The following LNX1 variants were observed in gnomAD, a reference collection of about 807,000 sequenced individuals.
LNX1 encodes the protein E3 ubiquitin-protein ligase LNX.
Under a neutral mutation model 68.4 loss-of-function variants are expected in LNX1, and 54 were observed. The observed-to-expected ratio is 0.79, with a 90% confidence interval of 0.63 to 0.99. The LOEUF (loss-of-function observed/expected upper bound fraction) is 0.99, where lower values mean the gene tolerates loss of function less well. LNX1 is among the 50% of genes least tolerant of loss of function. LNX1 has a pLI of 0.00. For missense variants in LNX1, 906 were observed against 926.4 expected (o/e 0.98, Z 0.29); for synonymous variants, 336 against 350.0 (o/e 0.96, Z 0.45).
At chr4:53,620,201 C>T (rs1733816445), upstream of LNX1, among the ~76,000 whole-genome samples, 1 of 152,146 alleles carries the variant, frequency 6.6e-6, no homozygotes, top group African/African-American at 2.4e-5. Context: ...ATCTATCTAC[C>T]TATCTATCTA....
chr4:53,553,197 A>T (rs1729637397), intron 2 of LNX1, among the ~76,000 whole-genome samples: 1 of 152,132 alleles, frequency 6.6e-6, no homozygotes, highest in South Asian at 2.1e-4. Flanking sequence ...CTGAGTGGGG[A>T]CACAGAGAGG....
intron 2 of LNX1, among the ~76,000 whole-genome samples, chr4:53,613,904 A>C (rs1470161387): frequency 6.6e-6 from 1 of 152,152 alleles, no homozygotes; most frequent in African/African-American, 2.4e-5. Flanking sequence ...ACAATGGTTG[A>C]ACTAATTTAC....
intron 2 of LNX1, among the ~76,000 whole-genome samples, chr4:53,553,880 C>A (rs974171441): frequency 7.9e-5 from 12 of 152,206 alleles, no homozygotes; most frequent in Non-Finnish European, 1.6e-4. Flanking sequence ...GGTATAAACA[C>A]ACCTGATAGC....
At chr4:53,624,958 A>T (rs1273769305) in intron 1 of LNX1, among the ~76,000 whole-genome samples, 1 of 152,236 alleles carries the variant, frequency 6.6e-6, no homozygotes, top group Non-Finnish European at 1.5e-5. Context: ...AATGCTCAAC[A>T]TTGCAACAAT....
At position 53,462,906 on chromosome 4, in the gene LNX1, T is replaced by G. The variant is rs181589555; in HGVS notation, c.1893-1313A>C. Among the ~76,000 whole-genome samples the G allele has an allele frequency of 4.5e-3, 690 of 152,278 alleles. 2 individuals are homozygous for G. The highest frequency in any genetic ancestry group is 7.3e-3 in the Non-Finnish European group (497 of 67,976). ...TCTTTGGGAGCTGTGGTGTGTCACA[T>G]AACACACTTTACATAACGGTTCACT... On this transcript the variant is annotated intron_variant, in intron 9 of 10. Transcript: ENST00000263925.
intron 1 of LNX1, among the ~76,000 whole-genome samples, chr4:53,643,592 G>C (rs6818959): frequency 0.43 from 64,962 of 151,954 alleles, 14,715 homozygotes; most frequent in East Asian, 0.58. Flanking sequence ...AAAATTCAGG[G>C]GACTGAAGAA....
At chr4:53,507,570 C>G (rs1253052655) in intron 3 of LNX1, 101 bp from the exon 4 acceptor site, 1 of 1,304,040 alleles carries the variant, frequency 7.7e-7, no homozygotes, top group Non-Finnish European at 1.1e-6. Flanking sequence ...TTAACAGTGA[C>G]TACCTCTGGG....
At chr4:53,501,777 C>T (rs894957453) in intron 4 of LNX1, 6 of 152,190 alleles carry the variant, frequency 3.9e-5, no homozygotes, top group Non-Finnish European at 5.9e-5. Flanking sequence ...ATTGTTGCCT[C>T]ACAAATGCTG....
At chr4:53,484,007 C>T (rs1724125590) in intron 6 of LNX1, among the ~76,000 whole-genome samples, 1 of 152,144 alleles carries the variant, frequency 6.6e-6, no homozygotes, top group Non-Finnish European at 1.5e-5. Flanking sequence ...GGGATTACAG[C>T]CCTTATGAAA....
At chr4:53,598,672 G>T (rs1339076093) in intron 2 of LNX1, among the ~76,000 whole-genome samples, 1 of 152,208 alleles carries the variant, frequency 6.6e-6, no homozygotes. Context: ...AAGAACTAAA[G>T]ATGAATGTAA....
chr4:53,465,951 G>C (rs2150559821), intron 9 of LNX1, among the ~76,000 whole-genome samples: 1 of 152,268 alleles, frequency 6.6e-6, no homozygotes, highest in South Asian at 2.1e-4. Flanking sequence ...TTTGTGCATA[G>C]TATATTGGCA....
chr4:53,613,663 A>G (rs1402293965), intron 2 of LNX1, among the ~76,000 whole-genome samples: 3 of 152,156 alleles, frequency 2.0e-5, no homozygotes, highest in Non-Finnish European at 2.9e-5. Flanking sequence ...GCTGCATAGT[A>G]TTCCATGGCA....
intron 6 of LNX1, among the ~76,000 whole-genome samples, chr4:53,489,034 C>T (rs1208476060): frequency 6.6e-6 from 1 of 152,096 alleles, no homozygotes; most frequent in Non-Finnish European, 1.5e-5. Context: ...TTGATATTCC[C>T]TATAAAATGA....
intron 2 of LNX1, among the ~76,000 whole-genome samples, chr4:53,520,876 C>A (rs1454587480): frequency 6.6e-6 from 1 of 152,122 alleles, no homozygotes; most frequent in Non-Finnish European, 1.5e-5. Context: ...GCAGGAGAAT[C>A]ACTTGAACCC....
chr4:53,576,837 G>A (rs567409733), intron 1 of LNX1, among the ~76,000 whole-genome samples: 14 of 152,284 alleles, frequency 9.2e-5, no homozygotes, highest in South Asian at 6.2e-4. Flanking sequence ...AAATAAAGTC[G>A]GAGGTTGTTT....
rs1037415436 is a variant in LNX1, at chr4:53,601,880, G to T, written c.-214-10365C>A. Among the ~76,000 whole-genome samples, 101 of 152,148 alleles carry T rather than the reference G, an allele frequency of 6.6e-4. 1 individual carries two copies. Among genetic ancestry groups the T allele is most frequent in the Non-Finnish European group, 2.8e-4 (19 of 67,992 alleles). ...ATCTCAAAGTCAAACTCTCCAAACTGGTTACTGCTGTTTCTCCCTGCCCTG... is the reference window on the plus strand; with the variant it reads ...ATCTCAAAGTCAAACTCTCCAAACTTGTTACTGCTGTTTCTCCCTGCCCTG... On this transcript the variant is annotated intron_variant, in intron 2 of 3. Transcript: ENST00000504299.
At chr4:53,472,578 C>T (rs1317026453) in intron 9 of LNX1, among the ~76,000 whole-genome samples, 2 of 149,398 alleles carry the variant, frequency 1.3e-5, no homozygotes, top group African/African-American at 4.9e-5. Flanking sequence ...CCTGAAAATA[C>T]TGGAAATTTT....
intron 1 of LNX1, among the ~76,000 whole-genome samples, chr4:53,647,868 C>G (rs2109894102): frequency 6.6e-6 from 1 of 152,352 alleles, no homozygotes; most frequent in Non-Finnish European, 1.5e-5. Flanking sequence ...TCGTATTTGT[C>G]CTTCTGAAAC....
At chr4:53,463,013 A>G (rs1165222775) in intron 9 of LNX1, among the ~76,000 whole-genome samples, 1 of 152,098 alleles carries the variant, frequency 6.6e-6, no homozygotes, top group Non-Finnish European at 1.5e-5. Flanking sequence ...ATGTGTGCCC[A>G]ATTTTTTGGA....
Sources: gnomAD v4.1 joint callset for allele counts (sites outside exome capture counted in the v4.1 genomes callset) on GRCh38, gnomAD v4.1.1 for gene constraint, MANE v1.5 for transcripts, NCBI Gene and HGNC (gene_info 2026-07-23, HGNC 2026-07-21) for gene names.